The following BRI3 variants were observed in gnomAD, a reference collection of about 807,000 sequenced individuals.
The protein encoded by BRI3 is brain protein I3.
A neutral mutation model predicts 12.8 loss-of-function variants in BRI3; 6 were observed. The ratio of observed to expected loss-of-function variants is 0.47; its 90% CI spans 0.26 to 0.93. BRI3 has a LOEUF of 0.93. Ranked by LOEUF, BRI3 falls within the 40% of genes least tolerant of loss-of-function variation. The pLI, the probability that BRI3 is intolerant of heterozygous loss-of-function variation, is 0.15. For synonymous variants in BRI3, 91 were observed against 76.1 expected (o/e 1.20, Z -1.02); for missense variants, 134 against 171.1 (o/e 0.78, Z 1.21).
chr7:98,303,612 G>A (rs938883790), upstream of BRI3, among the ~76,000 whole-genome samples: 3 of 152,210 alleles, frequency 2.0e-5, no homozygotes, highest in Admixed American at 6.5e-5. Flanking sequence ...TAGCTGGAGA[G>A]CCCACACCAG....
At position 98,306,729 on chromosome 7, in the gene BRI3, A is replaced by G. The variant is rs1400030619; in HGVS notation, n.144+64A>G. The G allele has an allele frequency of 9.0e-6, 6 of 666,476 alleles. No homozygotes were observed. In the East Asian group the frequency reaches 2.0e-4, roughly 22 times the overall value. The allele number at this position is 666,476 out of a possible 1,614,324, so 41.3% of individuals were successfully genotyped here. A position where few individuals can be genotyped will look rare whatever the true frequency, so the allele number is the denominator to read the frequency against. ...TGTTAACAATTTTTTTTTAATAGAG[A>G]CAGGGTCTCGCTCTGTTGCCCAGGC... is the stretch of plus-strand genomic sequence containing the variant. On this transcript the variant is annotated intron_variant and non_coding_transcript_variant, in intron 1 of 1. Transcript: ENST00000485422.
At chr7:98,290,545 C>T (rs1009927583) in intron 2 of BRI3, among the ~76,000 whole-genome samples, 7 of 151,152 alleles carry the variant, frequency 4.6e-5, no homozygotes, top group Admixed American at 4.6e-4. Flanking sequence ...GTCGCCCAGC[C>T]TGGAGTGTAG....
the BRI3 span, among the ~76,000 whole-genome samples, chr7:98,320,805 A>G: frequency 6.6e-6 from 1 of 152,150 alleles, no homozygotes. Context: ...CTTCTACAAC[A>G]TAATTAATCA....
chr7:98,320,898 G>A, the BRI3 span, among the ~76,000 whole-genome samples: 3 of 151,854 alleles, frequency 2.0e-5, no homozygotes, highest in East Asian at 1.9e-4. Flanking sequence ...GCTCTGTCAC[G>A]CAGGCTGGAG....
At chr7:98,301,509 G>A (rs1021895045) in intron 1 of BRI3, among the ~76,000 whole-genome samples, 3 of 149,858 alleles carry the variant, frequency 2.0e-5, no homozygotes, top group Non-Finnish European at 3.0e-5. Flanking sequence ...AGTGGAGACG[G>A]GATTTCACCG....
At chr7:98,304,926 C>T (rs1287293145), upstream of BRI3, among the ~76,000 whole-genome samples, 8 of 148,136 alleles carry the variant, frequency 5.4e-5, no homozygotes, top group East Asian at 2.0e-4. Context: ...AGTGCAGTGG[C>T]GCGATCTTGG....
upstream of BRI3, among the ~76,000 whole-genome samples, chr7:98,302,304 C>T (rs1251113016): frequency 6.6e-6 from 1 of 152,180 alleles, no homozygotes; most frequent in African/African-American, 2.4e-5. Flanking sequence ...GAAGACTATC[C>T]AGGGTTGGCC....
At chr7:98,310,639 G>A (rs367677729), downstream of BRI3, 153 of 1,404,908 alleles carry the variant, frequency 1.1e-4, 1 homozygote, top group East Asian at 3.0e-4. Context: ...GTGCAGAACC[G>A]GAATTACACA....
At chr7:98,297,477 C>T (rs1800240500), downstream of BRI3, among the ~76,000 whole-genome samples, 1 of 152,172 alleles carries the variant, frequency 6.6e-6, no homozygotes, top group African/African-American at 2.4e-5. Context: ...TGCAGGTGGC[C>T]TTGCTCCTGA....
downstream of BRI3, among the ~76,000 whole-genome samples, chr7:98,314,318 A>G (rs1158790635): frequency 1.3e-5 from 2 of 152,164 alleles, no homozygotes; most frequent in Non-Finnish European, 2.9e-5. Context: ...AGTTTATAGA[A>G]AATACAACAT....
rs976866478 is a variant in BRI3, at chr7:98,281,712, C to G, written c.-84C>G. 1.3e-5 allele frequency: 9 copies of G among 715,186 alleles called. No homozygotes were observed. Among genetic ancestry groups the G allele is most frequent in the Non-Finnish European group, 1.5e-5 (9 of 588,888 alleles). 44.3% of individuals were successfully genotyped at this position (715,186 alleles called of 1,614,324 possible). On this transcript the variant is annotated 5_prime_UTR_variant, in exon 1 of 3. Transcript: ENST00000297290. ...GAGGGGCCCGAGCCACCCGGTCCGC[C>G]GCGTCCCCGCCGCCGCCGCCGCGTC...
intron 1 of BRI3, 72 bp from the exon 2 acceptor site, chr7:98,282,279 C>G: frequency 1.5e-6 from 2 of 1,292,260 alleles, no homozygotes; most frequent in Non-Finnish European, 2.2e-6. Flanking sequence ...GTTGAGGGGA[C>G]AGGATGAGTA....
chr7:98,291,625 A>T, downstream of BRI3: 12 of 626,586 alleles, frequency 1.9e-5, no homozygotes, highest in Non-Finnish European at 2.4e-5. Flanking sequence ...AGTTGTATTC[A>T]GCAGGCGCTT....
At chr7:98,321,442 G>A in the BRI3 span, among the ~76,000 whole-genome samples, 1 of 152,170 alleles carries the variant, frequency 6.6e-6, no homozygotes, top group South Asian at 2.1e-4. Flanking sequence ...TGCCTCTGCT[G>A]GGAATACACC....
At chr7:98,293,413 A>G (rs539112546), downstream of BRI3, 139 of 997,484 alleles carry the variant, frequency 1.4e-4, 1 homozygote, top group Admixed American at 4.4e-4. Context: ...CATTAGAGTT[A>G]GGCCTCTCCA....
upstream of BRI3, among the ~76,000 whole-genome samples, chr7:98,303,975 T>C (rs2116837623): frequency 6.6e-6 from 1 of 151,684 alleles, no homozygotes; most frequent in South Asian, 2.1e-4. Context: ...CAAGATAGAG[T>C]CCACATGAAA....
chr7:98,300,883 G>A (rs535024139), intron 1 of BRI3, among the ~76,000 whole-genome samples: 10 of 152,256 alleles, frequency 6.6e-5, no homozygotes, highest in African/African-American at 2.2e-4. Flanking sequence ...TGTTTTTGCC[G>A]AAGCTCGTGC....
intron 2 of BRI3, among the ~76,000 whole-genome samples, chr7:98,285,719 G>T (rs1258766845): frequency 6.6e-6 from 1 of 152,200 alleles, no homozygotes; most frequent in Non-Finnish European, 1.5e-5. Context: ...CAGGGGAGGC[G>T]AGGGCTGGCC....
At chr7:98,288,699 T>C (rs1052253291) in intron 2 of BRI3, among the ~76,000 whole-genome samples, 1 of 152,002 alleles carries the variant, frequency 6.6e-6, no homozygotes, top group African/African-American at 2.4e-5. Context: ...ATAGGGACTG[T>C]AGGAGAAAAG....
Sources: allele counts gnomAD v4.1 joint callset (sites outside exome capture counted in the v4.1 genomes callset), GRCh38; gene constraint gnomAD v4.1.1; transcripts MANE v1.5; gene names NCBI Gene and HGNC (gene_info 2026-07-23, HGNC 2026-07-21).